The following FAM168A variants were observed in gnomAD, a reference collection of about 807,000 sequenced individuals.
The protein encoded by FAM168A is family with sequence similarity 168 member A, also known as protein FAM168A.
Under a neutral mutation model 28.5 loss-of-function variants are expected in FAM168A, and 3 were observed. The observed-to-expected ratio is 0.11, with a 90% CI of 0.05 to 0.27. FAM168A has a LOEUF of 0.27. FAM168A is among the 10% of genes least tolerant of loss of function. The pLI is 1.00. For missense variants in FAM168A, 222 were observed against 311.5 expected (o/e 0.71, Z 2.16); for synonymous variants, 122 against 124.2 (o/e 0.98, Z 0.12).
chr11:73,496,614 G>T (rs186474081), intron 1 of FAM168A, among the ~76,000 whole-genome samples: 25 of 152,338 alleles, frequency 1.6e-4, no homozygotes, highest in Non-Finnish European at 3.4e-4. Context: ...AGGCTGGAGT[G>T]CAGTGGCGCG....
intron 1 of FAM168A, among the ~76,000 whole-genome samples, chr11:73,498,368 G>A (rs1022886892): frequency 1.3e-5 from 2 of 152,180 alleles, no homozygotes; most frequent in Non-Finnish European, 2.9e-5. Context: ...ACGCTACCCA[G>A]CCAGGGAGAG....
chr11:73,500,100 A>AAAC (rs1354511279), intron 1 of FAM168A, among the ~76,000 whole-genome samples: 1 of 152,086 alleles, frequency 6.6e-6, no homozygotes, highest in Non-Finnish European at 1.5e-5. Flanking sequence ...AATGAAGGAA[A>AAAC]AACTGTTAGG....
intron 4 of FAM168A, among the ~76,000 whole-genome samples, chr11:73,419,463 GC>G (rs914597595): frequency 6.6e-6 from 1 of 152,156 alleles, no homozygotes; most frequent in Non-Finnish European, 1.5e-5. Context: ...ACAGGACAGC[GC>G]CCCCACAACA....
intron 1 of FAM168A, among the ~76,000 whole-genome samples, chr11:73,477,807 C>T (rs930160372): frequency 6.6e-6 from 1 of 152,002 alleles, no homozygotes; most frequent in Non-Finnish European, 1.5e-5. Flanking sequence ...TGCTAGCAAC[C>T]TGCCTTTCAA....
At chr11:73,421,701 A>G (rs1261761378) in intron 3 of FAM168A, among the ~76,000 whole-genome samples, 1 of 152,226 alleles carries the variant, frequency 6.6e-6, no homozygotes, top group Admixed American at 6.5e-5. Flanking sequence ...AGACTCTGCC[A>G]CACATGTGGC....
chr11:73,495,821 G>T (rs1189973980), intron 1 of FAM168A, among the ~76,000 whole-genome samples: 3 of 152,166 alleles, frequency 2.0e-5, no homozygotes, highest in Non-Finnish European at 4.4e-5. Flanking sequence ...TTAAAATTTG[G>T]TGGTAATATA....
intron 1 of FAM168A, among the ~76,000 whole-genome samples, chr11:73,556,831 G>C (rs549327379): frequency 1.3e-5 from 2 of 151,892 alleles, no homozygotes; most frequent in Non-Finnish European, 2.9e-5. Context: ...GGACAGCCTG[G>C]CCAACATGGC....
chr11:73,564,421 T>TTTGGG (rs1943994624), intron 1 of FAM168A, among the ~76,000 whole-genome samples: 4 of 152,074 alleles, frequency 2.6e-5, no homozygotes, highest in African/African-American at 9.7e-5. Context: ...GATTCTCAAG[T>TTTGGG]GCAGATGGGC....
intron 2 of FAM168A, among the ~76,000 whole-genome samples, chr11:73,431,126 G>A (rs1046626437): frequency 1.3e-5 from 2 of 152,026 alleles, no homozygotes; most frequent in Admixed American, 6.6e-5. Flanking sequence ...GGTGGATCAC[G>A]AGGTCAGAAG....
intron 1 of FAM168A, among the ~76,000 whole-genome samples, chr11:73,470,307 G>T (rs549855197): frequency 6.6e-6 from 1 of 152,190 alleles, no homozygotes; most frequent in Non-Finnish European, 1.5e-5. Context: ...CAACAACACA[G>T]AGACTACTTG....
chr11:73,539,266 TA>T (rs1211432328), intron 1 of FAM168A, among the ~76,000 whole-genome samples: 1 of 151,338 alleles, frequency 6.6e-6, no homozygotes. Flanking sequence ...TTTATTTATT[TA>T]TTTTTTTATT....
At chr11:73,476,852 T>G (rs776445060) in intron 1 of FAM168A, among the ~76,000 whole-genome samples, 6 of 151,874 alleles carry the variant, frequency 4.0e-5, no homozygotes, top group Non-Finnish European at 5.9e-5. Flanking sequence ...GAAGAAAGAA[T>G]CACTGAACTT....
chr11:73,427,416 T>C (rs1181579916), intron 3 of FAM168A, among the ~76,000 whole-genome samples: 1 of 152,204 alleles, frequency 6.6e-6, no homozygotes, highest in Admixed American at 6.5e-5. Flanking sequence ...AATCTCTTTT[T>C]TTCCCCTACA....
chr11:73,412,842 G>C (rs1353319467), intron 4 of FAM168A, among the ~76,000 whole-genome samples: 5 of 152,100 alleles, frequency 3.3e-5, no homozygotes, highest in African/African-American at 4.8e-5. Flanking sequence ...TGCTCACCAA[G>C]GACCCTTTCA....
intron 1 of FAM168A, among the ~76,000 whole-genome samples, chr11:73,534,027 T>C (rs1943546489): frequency 6.6e-6 from 1 of 152,214 alleles, no homozygotes; most frequent in African/African-American, 2.4e-5. Context: ...CTCTTCCCAG[T>C]GCAAATAGCT....
At chr11:73,459,842 A>G (rs1446263718) in intron 2 of FAM168A, among the ~76,000 whole-genome samples, 2 of 151,752 alleles carry the variant, frequency 1.3e-5, no homozygotes, top group Non-Finnish European at 2.9e-5. Flanking sequence ...TGGTCTATCC[A>G]GAGGGGTTGA....
intron 1 of FAM168A, among the ~76,000 whole-genome samples, chr11:73,581,493 G>A (rs930782758): frequency 6.6e-6 from 1 of 152,190 alleles, no homozygotes; most frequent in African/African-American, 2.4e-5. Flanking sequence ...GATTCACAGA[G>A]TACTTAAACA....
At chr11:73,436,011 A>G (rs1314479226) in intron 2 of FAM168A, among the ~76,000 whole-genome samples, 3 of 152,182 alleles carry the variant, frequency 2.0e-5, no homozygotes, top group Non-Finnish European at 4.4e-5. Context: ...CTACCAAATA[A>G]TTATCACTTT....
At chr11:73,451,900 T>C (rs922951125) in intron 2 of FAM168A, 7 of 152,282 alleles carry the variant, frequency 4.6e-5, no homozygotes, top group Admixed American at 1.3e-4. Context: ...ACATCCGAAC[T>C]TAGGCTTGAT....
Sources: allele counts gnomAD v4.1 joint callset (sites outside exome capture counted in the v4.1 genomes callset), GRCh38; gene constraint gnomAD v4.1.1; transcripts MANE v1.5; gene names NCBI Gene and HGNC (gene_info 2026-07-23, HGNC 2026-07-21).